Variants in SPIDR observed in about 807,000 individuals in gnomAD.
SPIDR encodes the protein scaffold protein involved in DNA repair, also known as DNA repair-scaffolding protein.
SPIDR carries 93 observed loss-of-function variants against 104.6 expected under a neutral mutation model. The observed-to-expected ratio is 0.89, with a 90% CI of 0.75 to 1.06. SPIDR has a LOEUF of 1.06. Ranked by LOEUF, SPIDR falls within the 50% of genes least tolerant of loss-of-function variation. The probability of loss-of-function intolerance (pLI) is 0.00; values close to 1 mark genes in which losing one functional copy is unlikely to be tolerated. For synonymous variants in SPIDR, 431 were observed against 416.9 expected (o/e 1.03, Z -0.41); for missense variants, 1,154 against 1,111.2 (o/e 1.04, Z -0.55).
At position 47,352,071 on chromosome 8, in the gene SPIDR, G is replaced by T. The variant is rs367952349; in HGVS notation, c.526-44305G>T. On this transcript the variant is annotated intron_variant, in intron 5 of 19. Coordinates refer to ENST00000297423, the MANE Select transcript of SPIDR (RefSeq NM_001080394.4). ...AGACAGGTGGATCACGAGGTCAAGA[G>T]ATCGAGACTATCCTGGCCAACTTGA... Among the ~76,000 whole-genome samples, 45 of 152,226 alleles carry T rather than the reference G, an allele frequency of 3.0e-4. No individual in the cohort carries two copies. The South Asian group carries it at 6.2e-3, about 21-fold the overall frequency.
Position 47,735,598 on chromosome 8 carries a change from T to C in SPIDR, c.*148T>C. ...AACTTAGATTTTTCTGGGGAAATGT[T>C]CAGATACAGTTTTGTGAACTGTAAA... On this transcript the variant is annotated 3_prime_UTR_variant, in exon 20 of 20. Coordinates refer to ENST00000297423, the MANE Select transcript of SPIDR (RefSeq NM_001080394.4). 3.4e-6 allele frequency: 5 copies of C among 1,467,544 alleles called. No homozygotes were observed. Among genetic ancestry groups the C allele is most frequent in the Non-Finnish European group, 3.7e-6 (4 of 1,093,812 alleles). The allele number at this position is 1,467,544 out of a possible 1,614,324, so 90.9% of individuals were successfully genotyped here.
intron 11 of SPIDR, among the ~76,000 whole-genome samples, chr8:47,683,460 G>A (rs1235766175): frequency 1.3e-5 from 2 of 152,190 alleles, no homozygotes; most frequent in African/African-American, 2.4e-5. Flanking sequence ...TAGTTTCTAG[G>A]CAGAGGCCCG....
chr8:47,693,230 A>G (rs1243006451), intron 11 of SPIDR, among the ~76,000 whole-genome samples: 2 of 152,240 alleles, frequency 1.3e-5, no homozygotes, highest in African/African-American at 2.4e-5. Flanking sequence ...TAGATAAGCT[A>G]TCTTCTGGAA....
chr8:47,303,508 T>G (rs1554579541), intron 5 of SPIDR, among the ~76,000 whole-genome samples: 1 of 152,188 alleles, frequency 6.6e-6, no homozygotes, highest in Non-Finnish European at 1.5e-5. Flanking sequence ...CAGTTGGAAA[T>G]GCAGAAATCA....
rs1202221975 is a variant in SPIDR at position 47,273,796 on chromosome 8, G to A, written c.34-6066G>A. ...TTTTGTAGAAATGAGGTCTTGCTGTGTTGCACAGGCTGGTCTCAAATTCAG... is the reference window on the plus strand; with the variant it reads ...TTTTGTAGAAATGAGGTCTTGCTGTATTGCACAGGCTGGTCTCAAATTCAG... On this transcript the variant is annotated intron_variant, in intron 1 of 19. Transcript: ENST00000297423. Among the ~76,000 whole-genome samples the A allele has an allele frequency of 3.3e-5, 5 of 152,216 alleles. No individual in the cohort carries two copies. The East Asian group carries it at 9.6e-4, about 29-fold the overall frequency.
intron 7 of SPIDR, among the ~76,000 whole-genome samples, chr8:47,422,697 C>T (rs558967981): frequency 1.3e-5 from 2 of 152,286 alleles, no homozygotes; most frequent in Admixed American, 6.5e-5. Context: ...TCTTTTGTGT[C>T]GCTCACGCTG....
At chr8:47,665,221 A>G (rs1172178509) in intron 10 of SPIDR, among the ~76,000 whole-genome samples, 3 of 152,248 alleles carry the variant, frequency 2.0e-5, no homozygotes, top group Non-Finnish European at 4.4e-5. Context: ...TATTAATACA[A>G]GGGAGCCCCA....
Position 47,510,150 on chromosome 8 carries a change from C to T in SPIDR, c.1097+69608C>T, listed in dbSNP as rs377478077. Among the ~76,000 whole-genome samples the T allele has an allele frequency of 5.3e-5, 8 of 152,236 alleles. No individual in the cohort carries two copies. The South Asian group carries it at 1.0e-3, about 20-fold the overall frequency. Reference sequence around the variant, plus strand: ...GGGGGTTTTTTTTCCTAAAAATTCTCACCTCAGAAGTTGCCCAAAACCCAA... The same window carrying T: ...GGGGGTTTTTTTTCCTAAAAATTCTTACCTCAGAAGTTGCCCAAAACCCAA... On this transcript the variant is annotated intron_variant, in intron 8 of 19. Coordinates refer to ENST00000297423, the MANE Select transcript of SPIDR (RefSeq NM_001080394.4).
At chr8:47,617,902 C>T (rs2064558765) in intron 10 of SPIDR, among the ~76,000 whole-genome samples, 1 of 152,160 alleles carries the variant, frequency 6.6e-6, no homozygotes. Context: ...TGTTGGTGTT[C>T]AGCTGCTGCT....
intron 2 of SPIDR, among the ~76,000 whole-genome samples, chr8:47,280,952 C>G (rs2037658719): frequency 6.6e-6 from 1 of 152,174 alleles, no homozygotes; most frequent in Non-Finnish European, 1.5e-5. Context: ...CTACTCTTCA[C>G]AAGAAATGCA....
intron 5 of SPIDR, chr8:47,330,917 T>C (rs797032126): frequency 1.3e-5 from 5 of 373,262 alleles, no homozygotes; most frequent in African/African-American, 1.0e-4. Flanking sequence ...TTTAGTTTTA[T>C]AAGAAACTGC....
chr8:47,338,219 A>G (rs1554611166), intron 5 of SPIDR, among the ~76,000 whole-genome samples: 1 of 152,132 alleles, frequency 6.6e-6, no homozygotes, highest in African/African-American at 2.4e-5. Context: ...TCTTGTAATG[A>G]TCTAGTGGTA....
chr8:47,315,467 G>A (rs73676320), intron 5 of SPIDR, among the ~76,000 whole-genome samples: 1,959 of 152,142 alleles, frequency 0.013, 49 homozygotes, highest in African/African-American at 0.045. Context: ...ATCCCTAGTC[G>A]ATCTATGAAT....
intron 10 of SPIDR, among the ~76,000 whole-genome samples, chr8:47,639,862 C>T (rs767451576): frequency 6.6e-6 from 1 of 151,824 alleles, no homozygotes; most frequent in African/African-American, 2.4e-5. Context: ...GCAGGAGAAT[C>T]GCTTGAACCC....
At chr8:47,317,869 G>T (rs2045715068) in intron 5 of SPIDR, among the ~76,000 whole-genome samples, 1 of 152,170 alleles carries the variant, frequency 6.6e-6, no homozygotes, top group Non-Finnish European at 1.5e-5. Flanking sequence ...AACTCCAGCA[G>T]ACCTGCAACT....
intron 10 of SPIDR, among the ~76,000 whole-genome samples, chr8:47,656,039 G>C (rs927126380): frequency 6.6e-6 from 1 of 152,148 alleles, no homozygotes; most frequent in East Asian, 1.9e-4. Context: ...GTGGACACCT[G>C]CCTCATACCA....
intron 5 of SPIDR, among the ~76,000 whole-genome samples, chr8:47,343,043 T>C (rs1031660246): frequency 6.6e-6 from 1 of 152,224 alleles, no homozygotes; most frequent in Admixed American, 6.5e-5. Flanking sequence ...ATATCATCCA[T>C]GTTAACTCTT....
intron 10 of SPIDR, among the ~76,000 whole-genome samples, chr8:47,657,459 T>G (rs1404158861): frequency 6.6e-6 from 1 of 152,130 alleles, no homozygotes; most frequent in Admixed American, 6.5e-5. Flanking sequence ...GGGACCCTTA[T>G]GGTGATGGAA....
intron 8 of SPIDR, among the ~76,000 whole-genome samples, chr8:47,525,510 AGAGGTCACAGCTGGGCGCGGTGGCTCAC>A (rs55696145): frequency 0.45 from 67,955 of 151,680 alleles, 18,746 homozygotes; most frequent in East Asian, 0.65. Flanking sequence ...ACTTATAAAA[AGAGGTCACAGCTGGGCGCGGTGGCTCAC>A]GCCTGTAATC....
Sources: gnomAD v4.1 joint callset for allele counts (sites outside exome capture counted in the v4.1 genomes callset) on GRCh38, gnomAD v4.1.1 for gene constraint, MANE v1.5 for transcripts, NCBI Gene and HGNC (gene_info 2026-07-23, HGNC 2026-07-21) for gene names.